PRKCE: variants seen among roughly 807,000 people sequenced by gnomAD.
PRKCE encodes the protein protein kinase C epsilon type.
PRKCE carries 16 observed loss-of-function variants against 85.4 expected under a neutral mutation model. The ratio of observed to expected loss-of-function variants is 0.19; its 90% CI spans 0.13 to 0.28. The LOEUF (loss-of-function observed/expected upper bound fraction) is 0.28, where lower values mean the gene tolerates loss of function less well. PRKCE is among the 10% of genes least tolerant of loss of function. The pLI is 1.00. For missense variants in PRKCE, 573 were observed against 975.2 expected (o/e 0.59, Z 5.49); for synonymous variants, 388 against 371.5 (o/e 1.04, Z -0.51).
intron 10 of PRKCE, among the ~76,000 whole-genome samples, chr2:46,030,394 T>C (rs927623823): frequency 6.6e-6 from 1 of 152,216 alleles, no homozygotes; most frequent in African/African-American, 2.4e-5. Flanking sequence ...AAGTCTTTCC[T>C]GTCCTCCCAG....
chr2:45,852,547 G>A (rs1253378544), intron 2 of PRKCE, among the ~76,000 whole-genome samples: 1 of 152,188 alleles, frequency 6.6e-6, no homozygotes, highest in Admixed American at 6.5e-5. Context: ...CCCTCTAGGA[G>A]CTCTCAAGCC....
intron 10 of PRKCE, among the ~76,000 whole-genome samples, chr2:46,070,975 A>T (rs1668040327): frequency 6.6e-6 from 1 of 152,194 alleles, no homozygotes; most frequent in Admixed American, 6.5e-5. Context: ...CATTTGCCTT[A>T]GATTATCATT....
intron 2 of PRKCE, among the ~76,000 whole-genome samples, chr2:45,918,161 C>T (rs1470982628): frequency 2.0e-5 from 3 of 152,202 alleles, no homozygotes; most frequent in Non-Finnish European, 4.4e-5. Flanking sequence ...CAAATGCCGC[C>T]AGAGTGGGAG....
intron 1 of PRKCE, among the ~76,000 whole-genome samples, chr2:45,689,323 T>C (rs941108592): frequency 2.0e-4 from 30 of 152,154 alleles, no homozygotes; most frequent in Non-Finnish European, 1.2e-4. Context: ...AACGTGATCA[T>C]GAATCAGAAA....
At chr2:45,889,944 G>T (rs1292067580) in intron 2 of PRKCE, among the ~76,000 whole-genome samples, 2 of 152,180 alleles carry the variant, frequency 1.3e-5, no homozygotes, top group African/African-American at 4.8e-5. Flanking sequence ...ATCCTCAGTG[G>T]TCAGTCCCTT....
chr2:46,165,385 G>A (rs1308043231), intron 14 of PRKCE, among the ~76,000 whole-genome samples: 2 of 152,180 alleles, frequency 1.3e-5, no homozygotes, highest in African/African-American at 2.4e-5. Context: ...CAATTTTCCG[G>A]GGGTGGCTTG....
intron 10 of PRKCE, among the ~76,000 whole-genome samples, chr2:46,084,845 C>T (rs980299464): frequency 2.9e-4 from 44 of 152,148 alleles, no homozygotes; most frequent in African/African-American, 9.7e-4. Context: ...TTGCTCACTC[C>T]GTTCCCATGT....
intron 1 of PRKCE, among the ~76,000 whole-genome samples, chr2:45,757,304 C>G (rs1308177004): frequency 2.3e-5 from 1 of 44,168 alleles, no homozygotes; most frequent in Middle Eastern, 0.026. Context: ...GAGACTGTCT[C>G]CAAAAAAAAA....
At chr2:46,002,028 G>T (rs541975978) in intron 7 of PRKCE, among the ~76,000 whole-genome samples, 1 of 152,324 alleles carries the variant, frequency 6.6e-6, no homozygotes, top group African/African-American at 2.4e-5. Flanking sequence ...GGGGAATATT[G>T]TTAATGTCTC....
At chr2:46,079,823 A>T (rs1355753192) in intron 10 of PRKCE, among the ~76,000 whole-genome samples, 1 of 152,244 alleles carries the variant, frequency 6.6e-6, no homozygotes, top group Non-Finnish European at 1.5e-5. Context: ...CAAAGACAGG[A>T]AAGATTAACG....
At position 46,185,002 on chromosome 2, in the gene PRKCE, C is replaced by A. The variant is rs1024836908; in HGVS notation, c.*121C>A. On this transcript the variant is annotated 3_prime_UTR_variant, in exon 15 of 15. Transcript: ENST00000306156. The surrounding 1 kb of genome is among the most constrained non-coding windows in gnomAD (Gnocchi z 4.7). ...CTCCTCGGAGCCCCAGTCCCATGTC[C>A]ACTGTCTATTTATTGCATTCCCTTG... The A allele has an allele frequency of 1.5e-6, 2 of 1,353,996 alleles. No homozygotes were observed. Among genetic ancestry groups the A allele is most frequent in the Non-Finnish European group, 2.0e-6 (2 of 993,626 alleles). The allele number at this position is 1,353,996 out of a possible 1,614,324, so 83.9% of individuals were successfully genotyped here. A position where few individuals can be genotyped will look rare whatever the true frequency, so the allele number is the denominator to read the frequency against.
chr2:46,101,129 G>T (rs1355295928), intron 11 of PRKCE, among the ~76,000 whole-genome samples: 1 of 152,056 alleles, frequency 6.6e-6, no homozygotes, highest in Admixed American at 6.5e-5. Flanking sequence ...TTGGCCTCCC[G>T]AAGTCTGGGA....
intron 1 of PRKCE, among the ~76,000 whole-genome samples, chr2:45,810,529 C>G (rs1442237349): frequency 6.6e-6 from 1 of 152,054 alleles, no homozygotes; most frequent in Non-Finnish European, 1.5e-5. Flanking sequence ...CTATAATTAG[C>G]TGCACAATGA....
chr2:45,996,579 A>G (rs1231979841), intron 6 of PRKCE, among the ~76,000 whole-genome samples: 1 of 144,352 alleles, frequency 6.9e-6, no homozygotes. Flanking sequence ...GTCTACATCT[A>G]TTGTTAGAAT....
intron 1 of PRKCE, among the ~76,000 whole-genome samples, chr2:45,654,755 T>C (rs933659649): frequency 6.6e-6 from 1 of 152,212 alleles, no homozygotes; most frequent in Admixed American, 6.5e-5. Context: ...AGAATGCCCA[T>C]CTGTTTTCAC....
intron 10 of PRKCE, among the ~76,000 whole-genome samples, chr2:46,057,580 G>A (rs187285018): frequency 5.3e-5 from 8 of 151,914 alleles, no homozygotes; most frequent in African/African-American, 7.2e-5. Flanking sequence ...GATTACAGGC[G>A]CCACCACCAT....
At chr2:45,838,446 G>T (rs1691072657) in intron 1 of PRKCE, among the ~76,000 whole-genome samples, 1 of 152,166 alleles carries the variant, frequency 6.6e-6, no homozygotes, top group African/African-American at 2.4e-5. Context: ...TGCAGGTAAG[G>T]TGCCAACATG....
chr2:45,817,225 G>C (rs1689136181), intron 1 of PRKCE, among the ~76,000 whole-genome samples: 1 of 152,048 alleles, frequency 6.6e-6, no homozygotes, highest in South Asian at 2.1e-4. Context: ...ATTGAGCTTT[G>C]CAGTTGATGT....
At chr2:46,082,123 C>G (rs1868274) in intron 10 of PRKCE, among the ~76,000 whole-genome samples, 72,685 of 151,760 alleles carry the variant, frequency 0.48, 20,430 homozygotes, top group African/African-American at 0.78. Context: ...GAGGAGGAAG[C>G]GGGGTGGGTT....
Sources: allele counts gnomAD v4.1 joint callset (sites outside exome capture counted in the v4.1 genomes callset), GRCh38; gene constraint gnomAD v4.1.1; non-coding constraint Gnocchi (gnomAD v3.1); transcripts MANE v1.5; gene names NCBI Gene and HGNC (gene_info 2026-07-23, HGNC 2026-07-21).